Variants in UMODL1 observed in about 807,000 individuals in gnomAD.
The protein encoded by UMODL1 is uromodulin like 1.
Under a neutral mutation model 136.3 loss-of-function variants are expected in UMODL1, and 128 were observed. That is an observed-to-expected ratio of 0.94 (90% CI 0.81 to 1.09). The LOEUF (loss-of-function observed/expected upper bound fraction) is 1.09, where lower values mean the gene tolerates loss of function less well. Ranked by LOEUF, UMODL1 falls within the 50% of genes least tolerant of loss-of-function variation. The pLI is 0.00. For synonymous variants in UMODL1, 721 were observed against 720.0 expected, an observed-to-expected ratio of 1.00 and a Z score of -0.02; for missense variants, 1,766 against 1,725.6, an observed-to-expected ratio of 1.02 and a Z score of -0.41.
chr21:42,116,563 A>C (rs957463496), intron 14 of UMODL1, among the ~76,000 whole-genome samples: 2 of 151,990 alleles, frequency 1.3e-5, no homozygotes, highest in African/African-American at 2.4e-5. Flanking sequence ...CTTTCTGTCC[A>C]GTGAAACCTG....
At chr21:42,069,009 C>A (rs955025181), upstream of UMODL1, among the ~76,000 whole-genome samples, 1 of 152,118 alleles carries the variant, frequency 6.6e-6, no homozygotes, top group African/African-American at 2.4e-5. Flanking sequence ...GAATTTGGGG[C>A]TCTCTGCTGG....
At chr21:42,112,726 C>T (rs542565409) in intron 12 of UMODL1, among the ~76,000 whole-genome samples, 16 of 152,208 alleles carry the variant, frequency 1.1e-4, no homozygotes, top group Admixed American at 9.8e-4. Flanking sequence ...GTTCTTCACC[C>T]CAGATATTGA....
chr21:42,135,218 A>C (rs972316106), intron 21 of UMODL1, among the ~76,000 whole-genome samples: 1 of 152,210 alleles, frequency 6.6e-6, no homozygotes, highest in Non-Finnish European at 1.5e-5. Flanking sequence ...GAACAGGGAG[A>C]TAGATGCCCT....
chr21:42,086,591 C>T (rs1443138327), intron 4 of UMODL1: 2 of 455,360 alleles, frequency 4.4e-6, no homozygotes, highest in East Asian at 1.4e-4. Flanking sequence ...CACTGCCTGG[C>T]CCTAGTGTTG....
intron 20 of UMODL1, among the ~76,000 whole-genome samples, chr21:42,129,255 C>T (rs1404851436): frequency 6.6e-6 from 1 of 152,162 alleles, no homozygotes; most frequent in Admixed American, 6.6e-5. Context: ...GGACATGTTG[C>T]AGCCCATCTC....
rs1391964627 is a variant in UMODL1, at chr21:42,085,507, G to C, written c.603+95G>C. On this transcript the variant is annotated intron_variant, in intron 4 of 22. Transcript: ENST00000408910. The surrounding 1 kb of genome is among the most constrained non-coding windows in gnomAD (Gnocchi z 4.5). ...GCCGTGGAAGGGACCTGGGGGTTGGGGAGGGTGATGTTCCCCAAATGGCCC... is the reference window on the plus strand; with the variant it reads ...GCCGTGGAAGGGACCTGGGGGTTGGCGAGGGTGATGTTCCCCAAATGGCCC... The C allele has an allele frequency of 5.7e-6, 9 of 1,581,202 alleles. No homozygotes were observed. The highest frequency in any genetic ancestry group is 6.9e-6 in the Non-Finnish European group (8 of 1,162,544).
At chr21:42,139,228 T>G (rs2067247471) in intron 22 of UMODL1, among the ~76,000 whole-genome samples, 1 of 152,202 alleles carries the variant, frequency 6.6e-6, no homozygotes, top group South Asian at 2.1e-4. Flanking sequence ...GTGAGACTGC[T>G]GACTCCAAAT....
rs759563280 is a variant in UMODL1 at position 42,126,520 on chromosome 21, A to T, written c.3293+30A>T. ...GGGAGAAATGCCCCGGCTGCCCCAC[A>T]GCCACGTGCCTCCAGACCACCTGCG... On this transcript the variant is annotated intron_variant, in intron 18 of 22. Transcript: ENST00000408910. 5.6e-6 allele frequency: 9 copies of T among 1,613,908 alleles called. No homozygotes were observed. In the East Asian group the frequency reaches 1.1e-4, roughly 20 times the overall value.
At chr21:42,091,215 C>A (rs2066488349) in intron 6 of UMODL1, among the ~76,000 whole-genome samples, 1 of 152,230 alleles carries the variant, frequency 6.6e-6, no homozygotes, top group Non-Finnish European at 1.5e-5. Flanking sequence ...CTAATCTCTG[C>A]CTGTCTAGTG....
At chr21:42,094,167 G>A (rs1481818642) in intron 6 of UMODL1, 2 of 347,350 alleles carry the variant, frequency 5.8e-6, no homozygotes, top group African/African-American at 2.1e-5. Flanking sequence ...ATACAGGGCC[G>A]CTCGAGCGAC....
chr21:42,137,387 G>C (rs368342338), intron 21 of UMODL1, 52 bp from the exon 22 acceptor site: 1 of 1,599,504 alleles, frequency 6.3e-7, no homozygotes. Context: ...TTGCTCTATC[G>C]CATTCCTCCC....
At chr21:42,136,782 C>T (rs1331739385) in intron 21 of UMODL1, among the ~76,000 whole-genome samples, 1 of 151,266 alleles carries the variant, frequency 6.6e-6, no homozygotes. Context: ...TTTTTGAGAC[C>T]GAGTCTTGCT....
chr21:42,076,201 T>C lies in UMODL1; in HGVS notation c.273T>C (p.Thr91=), dbSNP rs1464721899. The C allele has an allele frequency of 6.2e-7, 1 of 1,614,132 alleles. No individual in the cohort carries two copies. The highest frequency in any genetic ancestry group is 1.3e-5 in the African/African-American group (1 of 74,944). Residue 91 remains threonine (T), a synonymous_variant, in exon 2 of 23, where the codon ACT becomes ACC. Coordinates refer to ENST00000408910, the MANE Select transcript of UMODL1 (RefSeq NM_001004416.3). ...AGGTCCCCGAGTCCAGGAACGTGAC[T>C]GACTGCTGTGAGGGCTATGAACAGC... ...VVEVPESRNV[T]DCCEGYEQLG...
intron 16 of UMODL1, among the ~76,000 whole-genome samples, chr21:42,121,744 C>CG (rs980986142): frequency 1.3e-5 from 2 of 152,056 alleles, no homozygotes; most frequent in Non-Finnish European, 2.9e-5. Context: ...GTGTGGTATC[C>CG]GGGGGGCTAT....
At position 42,080,230 on chromosome 21, in the gene UMODL1, G is replaced by A. The variant is rs528582578; in HGVS notation, c.320-3854G>A. On this transcript the variant is annotated intron_variant, in intron 2 of 22. Transcript: ENST00000408910. ...GCTGGATGTGAGATGGTTTCAGTAA[G>A]TGACCTGTTGAGCACCGTGACTCTG... Among the ~76,000 whole-genome samples the A allele has an allele frequency of 5.3e-5, 8 of 152,368 alleles. No individual in the cohort carries two copies. The East Asian group carries it at 1.2e-3, about 22-fold the overall frequency.
intron 17 of UMODL1, among the ~76,000 whole-genome samples, chr21:42,125,654 G>T (rs141915044): frequency 0.021 from 3,164 of 152,336 alleles, 54 homozygotes; most frequent in Middle Eastern, 0.044. Context: ...AGGGGGATGG[G>T]CGGTGATCAG....
At chr21:42,112,714 C>G (rs1176742839) in intron 12 of UMODL1, among the ~76,000 whole-genome samples, 2 of 152,110 alleles carry the variant, frequency 1.3e-5, no homozygotes, top group African/African-American at 4.8e-5. Flanking sequence ...AGTTCCCCAG[C>G]TGTTCTTCAC....
rs1212029338 is a variant in UMODL1 at position 42,136,382 on chromosome 21, G to A, written c.3776-1057G>A. Among the ~76,000 whole-genome samples, 3 of 152,130 alleles carry A rather than the reference G, an allele frequency of 2.0e-5. No homozygotes were observed. In the South Asian group the frequency reaches 6.2e-4, roughly 32 times the overall value. ...GTCCCTCCCCATCCACCTTCCCCCT[G>A]TCTCTGAAAGTCACTCGTTTGCTTT... On this transcript the variant is annotated intron_variant, in intron 21 of 22. Coordinates refer to ENST00000408910, the MANE Select transcript of UMODL1 (RefSeq NM_001004416.3).
chr21:42,087,162 A>C (rs564636908), intron 4 of UMODL1, among the ~76,000 whole-genome samples: 13 of 152,202 alleles, frequency 8.5e-5, no homozygotes, highest in African/African-American at 3.1e-4. Context: ...TGTAGGTTTC[A>C]TGTCTCCAAC....
Sources: allele counts gnomAD v4.1 joint callset (sites outside exome capture counted in the v4.1 genomes callset), GRCh38; gene constraint gnomAD v4.1.1; non-coding constraint Gnocchi (gnomAD v3.1); transcripts MANE v1.5; gene names NCBI Gene and HGNC (gene_info 2026-07-23, HGNC 2026-07-21).